MSRA: variants seen among roughly 807,000 people sequenced by gnomAD.
The protein encoded by MSRA is methionine sulfoxide reductase A, also known as mitochondrial peptide methionine sulfoxide reductase.
A neutral mutation model predicts 31.3 loss-of-function variants in MSRA; 54 were observed. The observed-to-expected ratio is 1.73, with a 90% CI of 1.39 to 2.17. The LOEUF is 2.17. Ranked by LOEUF, MSRA falls within the 30% of genes most tolerant of loss-of-function variation. The probability of loss-of-function intolerance (pLI) is 0.00; values close to 1 mark genes in which losing one functional copy is unlikely to be tolerated. For missense variants in MSRA, 507 were observed against 300.9 expected (o/e 1.69, Z -5.07); for synonymous variants, 169 against 116.5 (o/e 1.45, Z -2.90).
intron 1 of MSRA, chr8:10,095,423 C>A (rs759502683): frequency 4.1e-6 from 4 of 968,102 alleles, no homozygotes; most frequent in Non-Finnish European, 4.9e-6. Context: ...TACCGTACCA[C>A]GGTTTCCTGT....
chr8:10,269,844 G>T (rs190850971), intron 3 of MSRA, among the ~76,000 whole-genome samples: 106 of 152,240 alleles, frequency 7.0e-4, no homozygotes, highest in African/African-American at 2.5e-3. Flanking sequence ...GTAGAGACGG[G>T]GTTTCACCGT....
At chr8:10,149,328 G>C (rs926191839) in intron 1 of MSRA, among the ~76,000 whole-genome samples, 1 of 152,100 alleles carries the variant, frequency 6.6e-6, no homozygotes, top group East Asian at 1.9e-4. Context: ...TCACTGTGTT[G>C]ACCAGGCTGG....
At chr8:10,227,598 A>G (rs1231538341) in intron 2 of MSRA, among the ~76,000 whole-genome samples, 4 of 152,170 alleles carry the variant, frequency 2.6e-5, no homozygotes, top group African/African-American at 9.7e-5. Flanking sequence ...GAAAAATAGC[A>G]ATGTGTATAA....
chr8:10,241,412 A>G (rs981830333), intron 2 of MSRA, among the ~76,000 whole-genome samples: 3 of 152,130 alleles, frequency 2.0e-5, no homozygotes, highest in African/African-American at 4.8e-5. Flanking sequence ...GAAACGATCA[A>G]ATATGTTTAA....
chr8:10,168,257 A>C (rs1257787522), intron 1 of MSRA, among the ~76,000 whole-genome samples: 1 of 152,208 alleles, frequency 6.6e-6, no homozygotes, highest in East Asian at 1.9e-4. Flanking sequence ...CTTTATTAAT[A>C]ATCTTGGTTC....
At chr8:10,387,314 G>A (rs1239127198) in intron 5 of MSRA, among the ~76,000 whole-genome samples, 1 of 152,206 alleles carries the variant, frequency 6.6e-6, no homozygotes, top group Non-Finnish European at 1.5e-5. Flanking sequence ...TCATTTTAGG[G>A]GTGAAGGGAA....
chr8:10,123,326 C>G (rs868656957), intron 1 of MSRA, among the ~76,000 whole-genome samples: 16 of 152,156 alleles, frequency 1.1e-4, no homozygotes, highest in African/African-American at 2.7e-4. Context: ...TGTATGTTGT[C>G]TATTGAAAAG....
chr8:10,275,245 C>T (rs1799262009), intron 3 of MSRA, among the ~76,000 whole-genome samples: 1 of 152,122 alleles, frequency 6.6e-6, no homozygotes, highest in Non-Finnish European at 1.5e-5. Flanking sequence ...TTTTCATCCC[C>T]GTGATTGCAA....
intron 3 of MSRA, among the ~76,000 whole-genome samples, chr8:10,260,370 G>T (rs1335817392): frequency 1.3e-5 from 2 of 152,166 alleles, no homozygotes; most frequent in Non-Finnish European, 2.9e-5. Context: ...AGGAGCCTGA[G>T]ATGGATGGAA....
chr8:10,286,075 G>T (rs28567617), intron 3 of MSRA, among the ~76,000 whole-genome samples: 1,923 of 152,168 alleles, frequency 0.013, 42 homozygotes, highest in African/African-American at 0.044. Context: ...ACTGGGCACC[G>T]TGTCTGCCAG....
chr8:10,153,591 T>C lies in MSRA; in HGVS notation c.143-54242T>C, dbSNP rs572032250. Among the ~76,000 whole-genome samples, 20 of 152,298 alleles carry C rather than the reference T, an allele frequency of 1.3e-4. No homozygotes were observed. In the South Asian group the frequency reaches 3.9e-3, roughly 30 times the overall value. On this transcript the variant is annotated intron_variant, in intron 1 of 5. Coordinates refer to ENST00000317173, the MANE Select transcript of MSRA (RefSeq NM_012331.5). Reference sequence around the variant, plus strand: ...GAGGTAGAGATACACTGATCTTTTTTTGGTGGCAGTTAGGGATATTGACAT... The same window carrying C: ...GAGGTAGAGATACACTGATCTTTTTCTGGTGGCAGTTAGGGATATTGACAT...
chr8:10,169,189 C>T (rs904301836), intron 1 of MSRA, among the ~76,000 whole-genome samples: 6 of 152,198 alleles, frequency 3.9e-5, no homozygotes, highest in East Asian at 3.9e-4. Flanking sequence ...GTGCTTGGTA[C>T]TCCCTCACCC....
At chr8:10,405,188 G>A (rs144795334) in intron 5 of MSRA, among the ~76,000 whole-genome samples, 344 of 152,292 alleles carry the variant, frequency 2.3e-3, no homozygotes, top group African/African-American at 7.9e-3. Flanking sequence ...AGGTCACTGA[G>A]CCCAGCCTCC....
At chr8:10,250,423 A>T in intron 3 of MSRA, 1 of 702,340 alleles carries the variant, frequency 1.4e-6, no homozygotes, top group South Asian at 1.5e-5. Flanking sequence ...TTGCTTACAG[A>T]TGTTCAGAAC....
At chr8:10,398,989 C>A (rs1807275717) in intron 5 of MSRA, among the ~76,000 whole-genome samples, 1 of 152,138 alleles carries the variant, frequency 6.6e-6, no homozygotes, top group Non-Finnish European at 1.5e-5. Context: ...TGGGAAAAAG[C>A]CCGAGGACTG....
chr8:10,055,699 A>G (rs1328396319), intron 1 of MSRA, among the ~76,000 whole-genome samples: 2 of 152,262 alleles, frequency 1.3e-5, no homozygotes, highest in Admixed American at 1.3e-4. Context: ...GAAATTCAGC[A>G]TTTAAAAAAT....
chr8:10,396,332 C>A (rs1807097461), intron 5 of MSRA, among the ~76,000 whole-genome samples: 1 of 152,162 alleles, frequency 6.6e-6, no homozygotes, highest in Non-Finnish European at 1.5e-5. Flanking sequence ...GTGGGAAGAG[C>A]TATGAAGGAA....
intron 5 of MSRA, among the ~76,000 whole-genome samples, chr8:10,359,458 T>C (rs1765364024): frequency 6.6e-6 from 1 of 152,234 alleles, no homozygotes; most frequent in South Asian, 2.1e-4. Context: ...TTAGTTCATT[T>C]TAAAGTAATA....
chr8:10,386,540 G>C (rs1806403220), intron 5 of MSRA, among the ~76,000 whole-genome samples: 1 of 152,158 alleles, frequency 6.6e-6, no homozygotes, highest in Non-Finnish European at 1.5e-5. Context: ...GCTATATATG[G>C]TCTTTTCCAG....
Sources: gnomAD v4.1 joint callset for allele counts (sites outside exome capture counted in the v4.1 genomes callset) on GRCh38, gnomAD v4.1.1 for gene constraint, MANE v1.5 for transcripts, NCBI Gene and HGNC (gene_info 2026-07-23, HGNC 2026-07-21) for gene names.